Variants in KIF6 observed in about 807,000 individuals in gnomAD.
KIF6 encodes the protein kinesin family member 6.
Under a neutral mutation model 112.7 loss-of-function variants are expected in KIF6, and 106 were observed. That is an observed-to-expected ratio of 0.94 (90% CI 0.80 to 1.11). The LOEUF (loss-of-function observed/expected upper bound fraction) is 1.11, where lower values mean the gene tolerates loss of function less well. Among genes scored for constraint, KIF6 ranks in the 50% least tolerant of loss-of-function variants. The pLI is 0.00. For synonymous variants in KIF6, 339 were observed against 339.9 expected (o/e 1.00, Z 0.03); for missense variants, 929 against 964.0 (o/e 0.96, Z 0.48).
intron 10 of KIF6, among the ~76,000 whole-genome samples, chr6:39,572,569 G>A (rs970947027): frequency 2.0e-5 from 3 of 151,736 alleles, no homozygotes; most frequent in South Asian, 2.1e-4. Context: ...ATTTCATCTC[G>A]GAAGTGAAAC....
intron 20 of KIF6, among the ~76,000 whole-genome samples, chr6:39,346,081 T>TCC (rs1562112810): frequency 0.015 from 367 of 23,876 alleles, 21 homozygotes; most frequent in African/African-American, 0.097. Flanking sequence ...TCTCTCTCTC[T>TCC]CTCTCCCCCC....
chr6:39,722,207 T>C (rs1790258496), intron 1 of KIF6, among the ~76,000 whole-genome samples: 1 of 151,950 alleles, frequency 6.6e-6, no homozygotes, highest in South Asian at 2.1e-4. Context: ...ACATGAAACA[T>C]ACAAGAGTGA....
chr6:39,553,592 C>T (rs1201353004), intron 10 of KIF6, among the ~76,000 whole-genome samples: 3 of 152,092 alleles, frequency 2.0e-5, no homozygotes, highest in African/African-American at 7.2e-5. Context: ...ACTTTAAAGA[C>T]AGTAGGGCAT....
intron 10 of KIF6, among the ~76,000 whole-genome samples, chr6:39,575,419 C>T (rs997511510): frequency 1.6e-4 from 24 of 151,892 alleles, no homozygotes; most frequent in Non-Finnish European, 2.6e-4. Flanking sequence ...TACAGGCGCC[C>T]GCCACCACAC....
intron 3 of KIF6, among the ~76,000 whole-genome samples, chr6:39,661,215 T>C (rs1259875208): frequency 2.6e-5 from 4 of 152,192 alleles, no homozygotes; most frequent in Non-Finnish European, 5.9e-5. Context: ...ATAATAATAA[T>C]TTTTTAAATG....
At chr6:39,603,431 G>A (rs1427526836) in intron 6 of KIF6, among the ~76,000 whole-genome samples, 1 of 151,852 alleles carries the variant, frequency 6.6e-6, no homozygotes, top group Non-Finnish European at 1.5e-5. Context: ...TATTTCATAT[G>A]GTAAAAAACC....
intron 3 of KIF6, among the ~76,000 whole-genome samples, chr6:39,651,369 G>A (rs1438159924): frequency 6.6e-6 from 1 of 152,190 alleles, no homozygotes; most frequent in Non-Finnish European, 1.5e-5. Context: ...GAAGTTTGGA[G>A]AGAGACTGGA....
intron 4 of KIF6, among the ~76,000 whole-genome samples, chr6:39,638,288 G>A (rs753341319): frequency 7.2e-4 from 109 of 151,984 alleles, no homozygotes; most frequent in Non-Finnish European, 1.2e-3. Flanking sequence ...TTAAGTAACC[G>A]CCCCAAGGCC....
chr6:39,657,124 T>A (rs901476999), intron 3 of KIF6, among the ~76,000 whole-genome samples: 4 of 151,178 alleles, frequency 2.6e-5, no homozygotes, highest in African/African-American at 9.7e-5. Context: ...TCCCAGCTAC[T>A]CGGGAGGCTG....
At chr6:39,637,332 C>T (rs539712978) in intron 4 of KIF6, among the ~76,000 whole-genome samples, 2 of 152,018 alleles carry the variant, frequency 1.3e-5, no homozygotes, top group Non-Finnish European at 2.9e-5. Flanking sequence ...AGCTATGTGG[C>T]AAGCTACCTT....
At position 39,677,023 on chromosome 6, in the gene KIF6, T is replaced by C. The variant is rs1787183184; in HGVS notation, c.252-37266A>G. ...CTTGAAAATAAAAACAAAAAATATA[T>C]ATTTTTATATATCCCACTTAGTGTA... is the stretch of plus-strand genomic sequence containing the variant. On this transcript the variant is annotated intron_variant, in intron 3 of 22. Transcript: ENST00000287152. 2.6e-5 allele frequency among the ~76,000 whole-genome samples: 4 copies of C among 152,120 alleles called. No homozygotes were observed. In the South Asian group the frequency reaches 8.3e-4, roughly 32 times the overall value.
At chr6:39,520,061 T>C (rs1777302620) in intron 13 of KIF6, among the ~76,000 whole-genome samples, 1 of 151,930 alleles carries the variant, frequency 6.6e-6, no homozygotes, top group Admixed American at 6.6e-5. Flanking sequence ...AATAAATAAA[T>C]AAGCCCTGCA....
intron 15 of KIF6, among the ~76,000 whole-genome samples, chr6:39,396,504 G>A (rs909590690): frequency 6.6e-6 from 1 of 152,212 alleles, no homozygotes. Flanking sequence ...AGCAGTGAAG[G>A]CCCGTCAGAG....
intron 11 of KIF6, among the ~76,000 whole-genome samples, chr6:39,545,207 A>T (rs1194065263): frequency 3.9e-5 from 6 of 152,238 alleles, no homozygotes; most frequent in Non-Finnish European, 8.8e-5. Flanking sequence ...GCCCCTTGTC[A>T]TGAAAATTAA....
intron 5 of KIF6, among the ~76,000 whole-genome samples, chr6:39,619,457 GA>G (rs1561869446): frequency 1.3e-5 from 2 of 152,136 alleles, no homozygotes; most frequent in Non-Finnish European, 2.9e-5. Context: ...GTCTGAAGAG[GA>G]ACAGAATTGA....
chr6:39,609,818 AATTTAGCCTGAGCAC>A (rs1582263920), intron 6 of KIF6, among the ~76,000 whole-genome samples: 1 of 152,120 alleles, frequency 6.6e-6, no homozygotes, highest in East Asian at 1.9e-4. Flanking sequence ...ACTGCTCCCA[AATTTAGCCTGAGCAC>A]ATTTAAAATG....
chr6:39,618,973 G>A (rs1783673357), intron 5 of KIF6, among the ~76,000 whole-genome samples: 1 of 152,076 alleles, frequency 6.6e-6, no homozygotes, highest in African/African-American at 2.4e-5. Flanking sequence ...TAACCAGATT[G>A]CTCAAAATAA....
intron 4 of KIF6, among the ~76,000 whole-genome samples, chr6:39,636,672 T>C (rs1195287690): frequency 6.6e-6 from 1 of 152,000 alleles, no homozygotes; most frequent in African/African-American, 2.4e-5. Flanking sequence ...ACTCTGTCCC[T>C]CTCTGCAGCA....
At chr6:39,664,916 C>T (rs1473674328) in intron 3 of KIF6, among the ~76,000 whole-genome samples, 1 of 152,050 alleles carries the variant, frequency 6.6e-6, no homozygotes, top group East Asian at 1.9e-4. Flanking sequence ...TTGAGAAACA[C>T]AAAAACATGA....
Sources: allele counts gnomAD v4.1 joint callset (sites outside exome capture counted in the v4.1 genomes callset), GRCh38; gene constraint gnomAD v4.1.1; transcripts MANE v1.5; gene names NCBI Gene and HGNC (gene_info 2026-07-23, HGNC 2026-07-21).